The following SLC35F5 variants were observed in gnomAD, a reference collection of about 807,000 sequenced individuals.
SLC35F5 encodes the protein HCV NS5A-transactivated protein 3.
A neutral mutation model predicts 68.6 loss-of-function variants in SLC35F5; 54 were observed. The observed-to-expected ratio is 0.79, with a 90% confidence interval of 0.63 to 0.99. SLC35F5 has a LOEUF of 0.99. Ranked by LOEUF, SLC35F5 falls within the 50% of genes least tolerant of loss-of-function variation. SLC35F5 has a pLI of 0.00. For missense variants in SLC35F5, 567 were observed against 626.9 expected (o/e 0.90, Z 1.02); for synonymous variants, 211 against 205.2 (o/e 1.03, Z -0.24).
intron 7 of SLC35F5, among the ~76,000 whole-genome samples, chr2:113,739,064 C>G (rs1451029977): frequency 6.6e-6 from 1 of 151,888 alleles, no homozygotes; most frequent in Non-Finnish European, 1.5e-5. Context: ...TTCTATTGAA[C>G]AGCACTGCTC....
chr2:113,743,967 C>G lies in SLC35F5; in HGVS notation c.481-173G>C, dbSNP rs765941950. On this transcript the variant is annotated intron_variant, in intron 5 of 15. Transcript: ENST00000245680. Reference sequence around the variant, plus strand: ...AAGGAAACTCAACAGATCCATACAGCTACAATGACAGAAAAGAATCAGTTT... The same window carrying G: ...AAGGAAACTCAACAGATCCATACAGGTACAATGACAGAAAAGAATCAGTTT... The G allele has an allele frequency of 1.6e-5, 7 of 436,052 alleles. No individual in the cohort carries two copies. In the Admixed American group the frequency reaches 1.6e-4, roughly 10 times the overall value. 27.0% of individuals were successfully genotyped at this position (436,052 alleles called of 1,614,324 possible).
In SLC35F5 at chr2:113,755,215, T is replaced by TAAC; in HGVS notation, c.220_222dup (p.Val74dup). ...CATATCACATCAACAAGCAGAAGAA[T>TAAC]AACAATCCCAAGAGCCATTCGCCTG... is the stretch of plus-strand genomic sequence containing the variant. On this transcript the variant is annotated inframe_insertion, in exon 3 of 16. Coordinates refer to ENST00000245680, the MANE Select transcript of SLC35F5 (RefSeq NM_025181.5). The TAAC allele has an allele frequency of 3.1e-6, 5 of 1,614,012 alleles. No homozygotes were observed. Among genetic ancestry groups the TAAC allele is most frequent in the Non-Finnish European group, 4.2e-6 (5 of 1,180,012 alleles).
At chr2:113,725,283 C>T in intron 12 of SLC35F5, 95 bp downstream of exon 12, 2 of 1,146,356 alleles carry the variant, frequency 1.7e-6, no homozygotes, top group Non-Finnish European at 1.3e-6. Flanking sequence ...GAATGGGGTG[C>T]ACAGGAAGGG....
intron 4 of SLC35F5, among the ~76,000 whole-genome samples, chr2:113,747,286 C>CAA (rs35423114): frequency 0.071 from 10,065 of 141,616 alleles, 879 homozygotes; most frequent in African/African-American, 0.21. Context: ...GATTCCGTCT[C>CAA]AAAAAAAAAA....
intron 7 of SLC35F5, among the ~76,000 whole-genome samples, chr2:113,740,432 A>G (rs1676215534): frequency 6.6e-6 from 1 of 152,226 alleles, no homozygotes; most frequent in Non-Finnish European, 1.5e-5. Flanking sequence ...TACTATGTAA[A>G]TTGTTATGTA....
At position 113,707,110 on chromosome 2, in the gene SLC35F5, A is replaced by C. The variant is rs1314976442; in HGVS notation, c.*8108T>G. ...GGATCAAATTATCAAGTTTTTTAAC[A>C]AAATTGAGGTAAAAATCTGCATTAA... On this transcript the variant is annotated 3_prime_UTR_variant, in exon 16 of 16. Transcript: ENST00000245680. 2.0e-5 allele frequency among the ~76,000 whole-genome samples: 3 copies of C among 152,216 alleles called. No individual in the cohort carries two copies. The highest frequency in any genetic ancestry group is 4.4e-5 in the Non-Finnish European group (3 of 68,044).
At chr2:113,728,308 T>A (rs77526082) in intron 11 of SLC35F5, among the ~76,000 whole-genome samples, 16,618 of 152,094 alleles carry the variant, frequency 0.11, 979 homozygotes, top group Non-Finnish European at 0.13. Flanking sequence ...AGTCTTTTTT[T>A]AAAAAAAATT....
chr2:113,713,291 T>G lies in SLC35F5; in HGVS notation c.*1927A>C, dbSNP rs939247138. 1.3e-5 allele frequency: 2 copies of G among 152,238 alleles called. No homozygotes were observed. Among genetic ancestry groups the G allele is most frequent in the Non-Finnish European group, 2.9e-5 (2 of 68,046 alleles). 9.4% of individuals were successfully genotyped at this position (152,238 alleles called of 1,614,324 possible). ...TTGGCTGAAGATCTATCCAGCCTGT[T>G]AACTACGGCTTAGTACTTCCAGAAT... On this transcript the variant is annotated 3_prime_UTR_variant, in exon 16 of 16. Transcript: ENST00000245680.
intron 7 of SLC35F5, among the ~76,000 whole-genome samples, chr2:113,738,546 T>C (rs760729437): frequency 2.6e-5 from 4 of 152,054 alleles, no homozygotes; most frequent in South Asian, 2.1e-4. Flanking sequence ...ATGAACACTG[T>C]AAAATAAACA....
downstream of SLC35F5, among the ~76,000 whole-genome samples, chr2:113,704,607 T>C (rs1041790611): frequency 5.9e-5 from 9 of 152,004 alleles, no homozygotes; most frequent in Non-Finnish European, 1.2e-4. Flanking sequence ...GGGCCGGCAC[T>C]GCTGGGGGAC....
chr2:113,753,331 A>T (rs1209544630), intron 3 of SLC35F5, among the ~76,000 whole-genome samples: 1 of 151,242 alleles, frequency 6.6e-6, no homozygotes, highest in Non-Finnish European at 1.5e-5. Context: ...GGCACCCACC[A>T]CCACACCCAG....
chr2:113,743,913 G>C, intron 5 of SLC35F5, 119 bp from the exon 6 acceptor site: 1 of 657,854 alleles, frequency 1.5e-6, no homozygotes, highest in Non-Finnish European at 2.4e-6. Flanking sequence ...TCACCACCAA[G>C]TTTAAACAGC....
At chr2:113,721,783 T>C (rs1687450275) in intron 13 of SLC35F5, among the ~76,000 whole-genome samples, 1 of 151,810 alleles carries the variant, frequency 6.6e-6, no homozygotes, top group East Asian at 1.9e-4. Context: ...GTTAGTGTTA[T>C]ATGGAATATC....
At position 113,742,782 on chromosome 2, in the gene SLC35F5, A is replaced by G; in HGVS notation, c.660T>C (p.Tyr220=). Residue 220 remains tyrosine, a synonymous_variant, in exon 7 of 16, where the codon TAT becomes TAC. Coordinates refer to ENST00000245680, the MANE Select transcript of SLC35F5 (RefSeq NM_025181.5). ...ALEAKLSRMS[Y]PVKEQESILK... is the part of the protein sequence containing the mutation. ...GTATGGATTCTTGTTCTTTCACAGG[A>G]TATGACATGCGAGACAACTTTGCTT... 4 of 1,614,178 alleles carry G rather than the reference A, an allele frequency of 2.5e-6. No homozygotes were observed. Among genetic ancestry groups the G allele is most frequent in the Non-Finnish European group, 3.4e-6 (4 of 1,180,014 alleles).
chr2:113,756,038 T>TCCAC, intron 1 of SLC35F5: 3 of 1,471,588 alleles, frequency 2.0e-6, no homozygotes, highest in Non-Finnish European at 2.7e-6. Flanking sequence ...TCCATGCTCC[T>TCCAC]CCACCCACCT....
chr2:113,722,964 T>C (rs988057616), intron 13 of SLC35F5, 140 bp downstream of exon 13: 2 of 484,006 alleles, frequency 4.1e-6, no homozygotes, highest in African/African-American at 4.0e-5. Context: ...TATATTTCTA[T>C]GTAGTAAAGC....
chr2:113,720,216 C>A (rs1295379653), intron 13 of SLC35F5, among the ~76,000 whole-genome samples: 1 of 151,426 alleles, frequency 6.6e-6, no homozygotes, highest in Non-Finnish European at 1.5e-5. Flanking sequence ...TGATCAACCA[C>A]TGAGACTTAA....
chr2:113,729,504 A>G lies in SLC35F5; in HGVS notation c.987T>C (p.Gly329=). 6.4e-7 allele frequency: 1 copy of G among 1,557,620 alleles called. No homozygotes were observed. Among genetic ancestry groups the G allele is most frequent in the Non-Finnish European group, 8.8e-7 (1 of 1,139,772 alleles). ...TGGCTCCAGCAAGAGACCAAATGGA[A>G]CCTGTAAAAATGGACATGATTTAAA... The part of the protein sequence containing the change: ...SEKPAGRDTV[G]SIWSLAGAML... Residue 329 remains glycine (G), a splice_region_variant and synonymous_variant, in exon 11 of 16, where the codon GGT becomes GGC. Transcript: ENST00000245680.
In SLC35F5 at chr2:113,719,202, C is replaced by T; in HGVS notation, c.1448G>A (p.Gly483Glu). ...TATAAAAGCAAATATTCTTCTGATT[C>T]CCACCATCACAGGATCCCAATTATT... ...HYNNWDPVMV[G>E]IRRIFAFICR... The change falls in exon 14 of 16, where the codon GGA (glycine) becomes GAA (glutamate). Residue 483 changes from glycine (G) to glutamate (E), a missense_variant. Transcript: ENST00000245680. 6.2e-7 allele frequency: 1 copy of T among 1,607,358 alleles called. No homozygotes were observed.
Sources: allele counts gnomAD v4.1 joint callset (sites outside exome capture counted in the v4.1 genomes callset), GRCh38; gene constraint gnomAD v4.1.1; transcripts MANE v1.5; gene names NCBI Gene and HGNC (gene_info 2026-07-23, HGNC 2026-07-21).